RSF1: variants seen among roughly 807,000 people sequenced by gnomAD.
RSF1 encodes remodeling and spacing factor 1, also known as HBV pX-associated protein 8.
Under a neutral mutation model 145.2 loss-of-function variants are expected in RSF1, and 13 were observed. The ratio of observed to expected loss-of-function variants is 0.09; its 90% CI spans 0.06 to 0.14. RSF1 has a LOEUF of 0.14. Ranked by LOEUF, RSF1 falls within the 10% of genes least tolerant of loss-of-function variation. The pLI is 1.00. For missense variants in RSF1, 1,517 were observed against 1,718.2 expected, an observed-to-expected ratio of 0.88 and a Z score of 2.07; for synonymous variants, 577 against 592.6, an observed-to-expected ratio of 0.97 and a Z score of 0.38.
At chr11:77,823,868 T>C (rs1285843010), upstream of RSF1, among the ~76,000 whole-genome samples, 1 of 152,090 alleles carries the variant, frequency 6.6e-6, no homozygotes, top group Admixed American at 6.5e-5. Flanking sequence ...TTCTAGCTTT[T>C]GCAGCACTTC....
At chr11:77,870,217 A>T in the RSF1 span, 1 of 149,118 alleles carries the variant, frequency 6.7e-6, no homozygotes, top group Non-Finnish European at 1.5e-5. Context: ...ATGGGGTCTC[A>T]CTATTGTTGC....
intron 1 of RSF1, chr11:77,813,516 A>T: frequency 1.3e-6 from 1 of 797,388 alleles, no homozygotes; most frequent in Non-Finnish European, 2.2e-6. Context: ...AGGTATTCGA[A>T]CTGGTCCTTT....
chr11:77,853,095 A>G, the RSF1 span, among the ~76,000 whole-genome samples: 2 of 152,232 alleles, frequency 1.3e-5, no homozygotes, highest in African/African-American at 2.4e-5. Context: ...GTAAATGTAG[A>G]TTTGTTAGAT....
the RSF1 span, among the ~76,000 whole-genome samples, chr11:77,838,940 G>GCTTA: frequency 6.6e-6 from 1 of 152,088 alleles, no homozygotes; most frequent in Non-Finnish European, 1.5e-5. Context: ...TACTTACTGT[G>GCTTA]CTTACCAGTG....
intron 9 of RSF1, among the ~76,000 whole-genome samples, chr11:77,688,839 C>G (rs1960077003): frequency 6.6e-6 from 1 of 152,208 alleles, no homozygotes; most frequent in Non-Finnish European, 1.5e-5. Context: ...GAGAGATTAA[C>G]TTGCCTTTAA....
intron 1 of RSF1, among the ~76,000 whole-genome samples, chr11:77,781,808 G>T (rs1257732221): frequency 6.6e-6 from 1 of 152,134 alleles, no homozygotes; most frequent in Non-Finnish European, 1.5e-5. Flanking sequence ...CATTGTATAT[G>T]TTTTTTAAGT....
At chr11:77,690,632 A>G (rs1960128789) in intron 9 of RSF1, among the ~76,000 whole-genome samples, 1 of 152,102 alleles carries the variant, frequency 6.6e-6, no homozygotes, top group Non-Finnish European at 1.5e-5. Context: ...GGGTTTCACC[A>G]TGTTGGCCAG....
rs1234114512 is a variant in RSF1, at chr11:77,666,703, A to G, written c.*214T>C. Reference sequence around the variant, plus strand: ...AAATTACCAAGGACCATGAACCTGGAAAAAGAAAATCAAAAGGAATTTACA... The same window carrying G: ...AAATTACCAAGGACCATGAACCTGGGAAAAGAAAATCAAAAGGAATTTACA... On this transcript the variant is annotated 3_prime_UTR_variant, in exon 16 of 16. Transcript: ENST00000308488. 2.6e-6 allele frequency: 1 copy of G among 386,580 alleles called. No homozygotes were observed. Among genetic ancestry groups the G allele is most frequent in the Non-Finnish European group, 4.6e-6 (1 of 218,580 alleles). The allele number at this position is 386,580 out of a possible 1,614,324, so 23.9% of individuals were successfully genotyped here.
At position 77,700,911 on chromosome 11, in the gene RSF1, C is replaced by T. The variant is rs376796987; in HGVS notation, c.2318G>A (p.Arg773His). The T allele has an allele frequency of 1.2e-5, 19 of 1,613,504 alleles. No homozygotes were observed. In the East Asian group the frequency reaches 1.6e-4, roughly 13 times the overall value. Reference protein sequence around the residue: ...EKEEEKTNVGRTLRRSPRISR... With the variant: ...EKEEEKTNVGHTLRRSPRISR... Reference sequence around the variant, plus strand: ...TATTCTTGGAGATCTTCTTAAAGTACGACCCACATTTGTTTTCTCCTCTTC... The same window carrying T: ...TATTCTTGGAGATCTTCTTAAAGTATGACCCACATTTGTTTTCTCCTCTTC... The change falls in exon 6 of 16, where the codon CGT becomes CAT. Residue 773 changes from arginine to histidine, a missense_variant. Coordinates refer to ENST00000308488, the MANE Select transcript of RSF1 (RefSeq NM_016578.4).
At chr11:77,698,005 T>C (rs918712879) in intron 7 of RSF1, among the ~76,000 whole-genome samples, 4 of 152,200 alleles carry the variant, frequency 2.6e-5, no homozygotes, top group African/African-American at 9.6e-5. Context: ...CCTATTTATC[T>C]TACCTATTTA....
intron 9 of RSF1, among the ~76,000 whole-genome samples, chr11:77,688,186 A>C (rs181592208): frequency 6.6e-6 from 1 of 152,084 alleles, no homozygotes; most frequent in African/African-American, 2.4e-5. Flanking sequence ...CAGCTACTCG[A>C]GAGGCTGAGG....
At chr11:77,822,381 C>CTCCA (rs1041306719), upstream of RSF1, among the ~76,000 whole-genome samples, 1 of 140,856 alleles carries the variant, frequency 7.1e-6, no homozygotes, top group African/African-American at 2.7e-5. Context: ...CGCCACTGCA[C>CTCCA]TCCAGCCTGA....
chr11:77,777,687 C>T (rs1431174589), intron 1 of RSF1, among the ~76,000 whole-genome samples: 1 of 151,946 alleles, frequency 6.6e-6, no homozygotes, highest in Admixed American at 6.6e-5. Context: ...AGAGTTCCAC[C>T]AAAAGAACTG....
rs143199325 is a variant in RSF1 at position 77,667,165 on chromosome 11, G to T, written c.4078C>A (p.Pro1360Thr). 9.7e-5 allele frequency: 157 copies of T among 1,614,042 alleles called. No individual in the cohort carries two copies. Among genetic ancestry groups the T allele is most frequent in the Non-Finnish European group, 1.3e-4 (154 of 1,180,034 alleles). Reference protein sequence around the residue: ...DFENVGKVGSPLDYSLVDLPS... With the variant: ...DFENVGKVGSTLDYSLVDLPS... ...AAGTCCACTAAGCTATAGTCCAATG[G>T]GCTCCCCACTTTGCCTACATTTTCA... The change falls in exon 16 of 16, where the codon CCA (proline) becomes ACA (threonine). Residue 1360 changes from proline to threonine, a missense_variant. Physicochemically the swap from Pro to Thr is conservative, Grantham distance 38. Coordinates refer to ENST00000308488, the MANE Select transcript of RSF1 (RefSeq NM_016578.4).
Position 77,750,121 on chromosome 11 carries a change from T to C in RSF1, c.280-2993A>G, listed in dbSNP as rs147005829. ...TGTTAAAAAAAAAAAAATCCACTAA[T>C]TAGCTATGCACAAAACAGCTATAAC... On this transcript the variant is annotated intron_variant, in intron 2 of 15. Coordinates refer to ENST00000308488, the MANE Select transcript of RSF1 (RefSeq NM_016578.4). 1.7e-4 allele frequency among the ~76,000 whole-genome samples: 26 copies of C among 151,934 alleles called. No individual in the cohort carries two copies. In the East Asian group the frequency reaches 5.0e-3, roughly 29 times the overall value.
intron 4 of RSF1, among the ~76,000 whole-genome samples, chr11:77,737,616 T>TGG (rs3219939): frequency 7.5e-6 from 1 of 134,174 alleles, no homozygotes; most frequent in African/African-American, 2.8e-5. Context: ...TTATGTGTTT[T>TGG]GGGGGGTGTG....
chr11:77,742,452 G>T (rs149123313), intron 3 of RSF1, among the ~76,000 whole-genome samples: 1 of 152,078 alleles, frequency 6.6e-6, no homozygotes, highest in Non-Finnish European at 1.5e-5. Context: ...GCTAATTTTT[G>T]TATTTTTAGT....
upstream of RSF1, chr11:77,821,260 C>T (rs78196556): frequency 2.1e-3 from 491 of 229,414 alleles, 7 homozygotes; most frequent in East Asian, 0.027. Context: ...GCGGGGGAAT[C>T]CTGAAACTGG....
At chr11:77,809,343 C>T (rs1948709251) in intron 1 of RSF1, among the ~76,000 whole-genome samples, 1 of 152,144 alleles carries the variant, frequency 6.6e-6, no homozygotes, top group Non-Finnish European at 1.5e-5. Flanking sequence ...TATGGTAAAG[C>T]ATGCATACTA....
Sources: allele counts gnomAD v4.1 joint callset (sites outside exome capture counted in the v4.1 genomes callset), GRCh38; gene constraint gnomAD v4.1.1; transcripts MANE v1.5; gene names NCBI Gene and HGNC (gene_info 2026-07-23, HGNC 2026-07-21).